The following ANTXR2 variants were observed in gnomAD, a reference collection of about 807,000 sequenced individuals.
ANTXR2 encodes ANTXR cell adhesion molecule 2, also known as anthrax toxin receptor 2.
A neutral mutation model predicts 73.7 loss-of-function variants in ANTXR2; 44 were observed. The ratio of observed to expected loss-of-function variants is 0.60; its 90% CI spans 0.47 to 0.77. The LOEUF (loss-of-function observed/expected upper bound fraction) is 0.77. Among genes scored for constraint, ANTXR2 ranks in the 30% least tolerant of loss-of-function variants. The pLI is 0.00. For missense variants in ANTXR2, 604 were observed against 592.5 expected, an observed-to-expected ratio of 1.02 and a Z score of -0.20; for synonymous variants, 217 against 205.9, an observed-to-expected ratio of 1.05 and a Z score of -0.46.
At chr4:79,991,873 G>A (rs1288995774) in intron 12 of ANTXR2, among the ~76,000 whole-genome samples, 1 of 151,984 alleles carries the variant, frequency 6.6e-6, no homozygotes, top group Non-Finnish European at 1.5e-5. Flanking sequence ...AGTACTACAG[G>A]TTCTTTTTTA....
intron 10 of ANTXR2, among the ~76,000 whole-genome samples, chr4:80,030,860 G>C (rs1207951483): frequency 6.6e-6 from 1 of 151,876 alleles, no homozygotes; most frequent in Non-Finnish European, 1.5e-5. Flanking sequence ...CTAGAAAACT[G>C]TATCCTATTA....
rs779025897 is a variant in ANTXR2, at chr4:80,055,158, G to C, written c.547C>G (p.Gln183Glu). ...GATCTCTTGTAACTTACCTGTGCTT[G>C]TTCAAAATCAAGGACACCAACACAA... Reference protein sequence around the residue: ...VYCVGVLDFEQAQLERIADSK... With the variant: ...VYCVGVLDFEEAQLERIADSK... The change falls in exon 6 of 17, where the codon CAA becomes GAA. Residue 183 changes from glutamine to glutamate, a missense_variant. Gln to Glu is a conservative substitution (Grantham distance 29). Transcript: ENST00000403729. 7 of 1,560,282 alleles carry C rather than the reference G, an allele frequency of 4.5e-6. No homozygotes were observed. In the East Asian group the frequency reaches 1.7e-4, roughly 37 times the overall value.
rs533730064 is a variant in ANTXR2, at chr4:79,919,095, C to A, written c.1429-11628G>T. On this transcript the variant is annotated intron_variant, in intron 16 of 16. Transcript: ENST00000403729. ...AACATAGAAGAAAAAAATTGTTAATCTAAAAGAGGAAGAAAGGAACAGAAG... is the reference window on the plus strand; with the variant it reads ...AACATAGAAGAAAAAAATTGTTAATATAAAAGAGGAAGAAAGGAACAGAAG... Among the ~76,000 whole-genome samples, 289 of 151,784 alleles carry A rather than the reference C, an allele frequency of 1.9e-3. 4 individuals carry two copies. Among genetic ancestry groups the A allele is most frequent in the African/African-American group, 6.5e-3 (268 of 41,398 alleles).
chr4:80,019,084 G>A (rs1250679584), intron 10 of ANTXR2, 108 bp from the exon 11 acceptor site: 1 of 733,818 alleles, frequency 1.4e-6, no homozygotes, highest in Non-Finnish European at 2.1e-6. Flanking sequence ...TACTTAAAGA[G>A]TAAGGGTCTC....
intron 7 of ANTXR2, 51 bp downstream of exon 7, chr4:80,054,221 A>G: frequency 7.2e-7 from 1 of 1,390,542 alleles, no homozygotes; most frequent in Non-Finnish European, 9.9e-7. Context: ...CTTATAGATT[A>G]AAAAAATATA....
chr4:79,930,930 T>A (rs1331182634), intron 16 of ANTXR2, among the ~76,000 whole-genome samples: 1 of 152,256 alleles, frequency 6.6e-6, no homozygotes, highest in Non-Finnish European at 1.5e-5. Flanking sequence ...GTTGTTGATC[T>A]ATTTTGCAAT....
At chr4:80,029,516 A>C (rs1475770736) in intron 10 of ANTXR2, among the ~76,000 whole-genome samples, 1 of 152,048 alleles carries the variant, frequency 6.6e-6, no homozygotes, top group East Asian at 1.9e-4. Flanking sequence ...CCAAACATTT[A>C]GTAAATCTAC....
intron 16 of ANTXR2, among the ~76,000 whole-genome samples, chr4:79,925,497 T>A (rs1727748488): frequency 6.6e-6 from 1 of 152,096 alleles, no homozygotes; most frequent in East Asian, 1.9e-4. Context: ...TATAGTAACC[T>A]TCAATCGGGA....
At position 79,903,084 on chromosome 4, in the gene ANTXR2, G is replaced by A. The variant is rs781724360; in HGVS notation, c.*4345C>T. ...GAATCACTTGAACCCAGGAAGAGGA[G>A]GTTACAGTCAGCCCAGACCATGCCA... On this transcript the variant is annotated 3_prime_UTR_variant, in exon 17 of 17. Transcript: ENST00000403729. 1 of 151,974 alleles carries A rather than the reference G, an allele frequency of 6.6e-6. No individual in the cohort carries two copies. The allele number at this position is 151,974 out of a possible 1,614,324, so 9.4% of individuals were successfully genotyped here. A position where few individuals can be genotyped will look rare whatever the true frequency, so the allele number is the denominator to read the frequency against.
At chr4:79,997,139 G>T (rs1038014595) in intron 12 of ANTXR2, among the ~76,000 whole-genome samples, 2 of 151,806 alleles carry the variant, frequency 1.3e-5, no homozygotes, top group East Asian at 1.9e-4. Flanking sequence ...ATGTTCAAGT[G>T]ATATGGGCAT....
intron 16 of ANTXR2, among the ~76,000 whole-genome samples, chr4:79,975,471 T>C (rs1189263142): frequency 6.6e-6 from 1 of 152,226 alleles, no homozygotes; most frequent in African/African-American, 2.4e-5. Flanking sequence ...GACTATAAAC[T>C]AAATTACAAT....
rs1726906186 is a variant in ANTXR2, at chr4:79,906,295, C to T, written c.*1134G>A. ...CTGAATCATAACCAAGGTAGAGTGC[C>T]CCTCAAAATCCAAGTAATGCGCATA... On this transcript the variant is annotated 3_prime_UTR_variant, in exon 17 of 17. Coordinates refer to ENST00000403729, the MANE Select transcript of ANTXR2 (RefSeq NM_058172.6). The T allele has an allele frequency of 6.6e-6, 1 of 152,354 alleles. No individual in the cohort carries two copies. Among genetic ancestry groups the T allele is most frequent in the Non-Finnish European group, 1.5e-5 (1 of 68,002 alleles). The allele number at this position is 152,354 out of a possible 1,614,324, so 9.4% of individuals were successfully genotyped here.
At position 80,072,856 on chromosome 4, in the gene ANTXR2, A is replaced by G. The variant is rs969026080; in HGVS notation, c.-296T>C. Reference sequence around the variant, plus strand: ...CGATTCCGGAGAGTTCCTGCAGACAATGCGGGCCCACGGCGACAGCTCGCG... The same window carrying G: ...CGATTCCGGAGAGTTCCTGCAGACAGTGCGGGCCCACGGCGACAGCTCGCG... On this transcript the variant is annotated 5_prime_UTR_variant, in exon 1 of 17. Coordinates refer to ENST00000403729, the MANE Select transcript of ANTXR2 (RefSeq NM_058172.6). The G allele has an allele frequency of 5.4e-5, 27 of 497,186 alleles. No homozygotes were observed. The highest frequency in any genetic ancestry group is 7.1e-5 in the Non-Finnish European group (24 of 337,592). 30.8% of individuals were successfully genotyped at this position (497,186 alleles called of 1,614,324 possible). A position where few individuals can be genotyped will look rare whatever the true frequency, so the allele number is the denominator to read the frequency against.
At chr4:79,977,976 G>C in intron 15 of ANTXR2, 31 bp downstream of exon 15, 2 of 1,548,566 alleles carry the variant, frequency 1.3e-6, no homozygotes, top group Non-Finnish European at 1.7e-6. Context: ...CAGAAGTTTT[G>C]AGTTAAATTA....
intron 7 of ANTXR2, among the ~76,000 whole-genome samples, chr4:80,051,034 T>C (rs1733749672): frequency 6.6e-6 from 1 of 151,668 alleles, no homozygotes; most frequent in Admixed American, 6.6e-5. Flanking sequence ...CCTCAGCCAG[T>C]CAGCTCAGAT....
chr4:80,038,011 G>A (rs1033143121), intron 7 of ANTXR2, among the ~76,000 whole-genome samples: 2 of 152,044 alleles, frequency 1.3e-5, no homozygotes, highest in Non-Finnish European at 2.9e-5. Context: ...AATCTCTTTA[G>A]TTATTTAGCC....
chr4:79,997,902 C>T (rs1198449264), intron 12 of ANTXR2, among the ~76,000 whole-genome samples: 2 of 151,926 alleles, frequency 1.3e-5, no homozygotes, highest in Non-Finnish European at 2.9e-5. Context: ...AAAGACCTAA[C>T]ATCACACTCT....
chr4:79,918,305 C>G (rs1448538571), intron 16 of ANTXR2, among the ~76,000 whole-genome samples: 1 of 151,962 alleles, frequency 6.6e-6, no homozygotes, highest in Non-Finnish European at 1.5e-5. Context: ...AAAATAAATG[C>G]TCAGAACTTC....
intron 7 of ANTXR2, among the ~76,000 whole-genome samples, chr4:80,045,803 C>A (rs1462593566): frequency 4.6e-5 from 7 of 151,722 alleles, no homozygotes; most frequent in African/African-American, 1.7e-4. Flanking sequence ...TTCCTTTTCA[C>A]CTTTTAATAT....
Sources: allele counts gnomAD v4.1 joint callset (sites outside exome capture counted in the v4.1 genomes callset), GRCh38; gene constraint gnomAD v4.1.1; transcripts MANE v1.5; gene names NCBI Gene and HGNC (gene_info 2026-07-23, HGNC 2026-07-21).